EVC2: variants seen among roughly 807,000 people sequenced by gnomAD.
EVC2 encodes the protein limbin.
A neutral mutation model predicts 149.3 loss-of-function variants in EVC2; 148 were observed. That is an observed-to-expected ratio of 0.99 (90% CI 0.87 to 1.14). The LOEUF (loss-of-function observed/expected upper bound fraction) is 1.14, where lower values mean the gene tolerates loss of function less well. Ranked by LOEUF, EVC2 falls within the 50% of genes most tolerant of loss-of-function variation. EVC2 has a pLI of 0.00. For missense variants in EVC2, 1,854 were observed against 1,627.3 expected (o/e 1.14, Z -2.40); for synonymous variants, 776 against 649.9 (o/e 1.19, Z -2.95).
chr4:5,564,156 C>T (rs1043539600), intron 21 of EVC2, among the ~76,000 whole-genome samples: 14 of 152,320 alleles, frequency 9.2e-5, no homozygotes, highest in African/African-American at 3.4e-4. Context: ...GCCATCACCA[C>T]TAATTACTGC....
chr4:5,597,055 G>C (rs1213207019), intron 16 of EVC2, among the ~76,000 whole-genome samples: 3 of 152,194 alleles, frequency 2.0e-5, no homozygotes, highest in African/African-American at 7.2e-5. Context: ...AACAGGCTCT[G>C]AAACTGTGGC....
At position 5,569,822 on chromosome 4, in the gene EVC2, C is replaced by G. The variant is rs185137198; in HGVS notation, c.3361-1182G>C. ...TTGGTAAGTGCTTTCAGTGAAGGCA[C>G]GAGGAAAGGTGCTGTTCCAAATACC... is the stretch of plus-strand genomic sequence containing the variant. On this transcript the variant is annotated intron_variant, in intron 19 of 21. Transcript: ENST00000344408. The surrounding 1 kb of genome is among the most constrained non-coding windows in gnomAD (Gnocchi z 4.8). 9.1e-4 allele frequency among the ~76,000 whole-genome samples: 138 copies of G among 152,120 alleles called. No individual in the cohort carries two copies. The highest frequency in any genetic ancestry group is 3.1e-3 in the African/African-American group (128 of 41,504).
intron 16 of EVC2, among the ~76,000 whole-genome samples, chr4:5,589,218 T>C (rs543907114): frequency 2.6e-5 from 4 of 152,360 alleles, no homozygotes; most frequent in South Asian, 2.1e-4. Context: ...TATGTGGGAC[T>C]AGCATAGGGC....
chr4:5,609,094 T>G lies in EVC2; in HGVS notation c.2829+6328A>C, dbSNP rs554229996. Among the ~76,000 whole-genome samples the G allele has an allele frequency of 3.9e-5, 6 of 152,162 alleles. No individual in the cohort carries two copies. The East Asian group carries it at 9.7e-4, about 25-fold the overall frequency. On this transcript the variant is annotated intron_variant, in intron 16 of 21. Coordinates refer to ENST00000344408, the MANE Select transcript of EVC2 (RefSeq NM_147127.5). ...CTTGAGACTGAATTATACCACCAGGTTTGCGGGTTCTGTAGCCTCCAGATG... is the reference window on the plus strand; with the variant it reads ...CTTGAGACTGAATTATACCACCAGGGTTGCGGGTTCTGTAGCCTCCAGATG...
Position 5,568,576 on chromosome 4 carries a change from A to G in EVC2, c.3425T>C (p.Leu1142Pro), listed in dbSNP as rs977811297. Residue 1142 changes from leucine (L) to proline (P), a missense_variant, in exon 20 of 22, where the codon CTC becomes CCC. Coordinates refer to ENST00000344408, the MANE Select transcript of EVC2 (RefSeq NM_147127.5). ...GGCTGTGGGCAGTACCACACTCAGG[A>G]GCCGGCGAAGCGTGGCCCCGGGCAC... ...AMVPGATLRR[L>P]LSVVLPTASQ... 4 of 1,607,246 alleles carry G rather than the reference A, an allele frequency of 2.5e-6. No homozygotes were observed. The highest frequency in any genetic ancestry group is 3.4e-6 in the Non-Finnish European group (4 of 1,179,486).
intron 10 of EVC2, among the ~76,000 whole-genome samples, chr4:5,638,937 A>AT (rs900321333): frequency 5.3e-5 from 8 of 151,974 alleles, no homozygotes; most frequent in African/African-American, 9.7e-5. Flanking sequence ...ACAGAAAAAA[A>AT]TTCTGTTGTT....
intron 6 of EVC2, among the ~76,000 whole-genome samples, chr4:5,682,552 T>C (rs1368006625): frequency 4.0e-5 from 6 of 149,944 alleles, no homozygotes; most frequent in Non-Finnish European, 8.9e-5. Flanking sequence ...GTAGTAGCAG[T>C]AGTATCATTA....
rs546917681 is a variant in EVC2, at chr4:5,660,626, CT to C, written c.1145+2480del. On this transcript the variant is annotated intron_variant, in intron 9 of 21. Coordinates refer to ENST00000344408, the MANE Select transcript of EVC2 (RefSeq NM_147127.5). ...GAAGGGCTACTCGCCCTGACCACTT[CT>C]CTTTATGGTCTGCTAATCTGACCAG... 2.2e-3 allele frequency among the ~76,000 whole-genome samples: 329 copies of C among 152,326 alleles called. 3 individuals are homozygous for C. The highest frequency in any genetic ancestry group is 7.6e-3 in the African/African-American group (316 of 41,568).
intron 16 of EVC2, among the ~76,000 whole-genome samples, chr4:5,610,414 G>A (rs1714722216): frequency 6.6e-6 from 1 of 152,154 alleles, no homozygotes; most frequent in Non-Finnish European, 1.5e-5. Flanking sequence ...CAGTGCATAA[G>A]ACAAAAACGA....
At chr4:5,709,386 C>T (rs1000412213), upstream of EVC2, 1 of 152,260 alleles carries the variant, frequency 6.6e-6, no homozygotes, top group African/African-American at 2.4e-5. Flanking sequence ...CCACTCCCGC[C>T]AGCCTTCCTG....
rs531551513 is a variant in EVC2 at position 5,580,139 on chromosome 4, T to A, written c.3058-3685A>T. ...CAAAGCATTCTATTTCATGCTTTTT[T>A]AATTCTCCTGAATGTTTAACAGCCT... On this transcript the variant is annotated intron_variant, in intron 17 of 21. Coordinates refer to ENST00000344408, the MANE Select transcript of EVC2 (RefSeq NM_147127.5). Among the ~76,000 whole-genome samples the A allele has an allele frequency of 3.9e-5, 6 of 152,356 alleles. No homozygotes were observed. The South Asian group carries it at 1.2e-3, about 32-fold the overall frequency.
At chr4:5,572,715 A>AT (rs1722707250) in intron 19 of EVC2, among the ~76,000 whole-genome samples, 2 of 152,226 alleles carry the variant, frequency 1.3e-5, no homozygotes, top group Admixed American at 1.3e-4. Context: ...TCACAATTTA[A>AT]AAGGGCCCAG....
At chr4:5,693,154 G>A (rs1171384519) in intron 3 of EVC2, among the ~76,000 whole-genome samples, 4 of 152,180 alleles carry the variant, frequency 2.6e-5, no homozygotes, top group African/African-American at 7.2e-5. Context: ...CAGAAGGGAC[G>A]ACTGAGTATG....
Position 5,696,714 on chromosome 4 carries a change from G to A in EVC2, c.283+879C>T, listed in dbSNP as rs1340520579. ...GGAGCATTGAGAACCTTGTGCTCCT[G>A]GGTCCAGCAGTGCCAGGGCCTGTGC... On this transcript the variant is annotated intron_variant, in intron 2 of 21. Coordinates refer to ENST00000344408, the MANE Select transcript of EVC2 (RefSeq NM_147127.5). This position sits in a 1 kb window ranked among gnomAD's most constrained non-coding sequence, Gnocchi z 4.1. Among the ~76,000 whole-genome samples the A allele has an allele frequency of 6.6e-6, 1 of 152,212 alleles. No homozygotes were observed. The highest frequency in any genetic ancestry group is 1.5e-5 in the Non-Finnish European group (1 of 68,050).
rs1577267002 is a variant in EVC2 at position 5,696,171 on chromosome 4, C to G, written c.283+1422G>C. Among the ~76,000 whole-genome samples the G allele has an allele frequency of 6.6e-6, 1 of 152,186 alleles. No homozygotes were observed. The highest frequency in any genetic ancestry group is 1.9e-4 in the East Asian group (1 of 5,176). On this transcript the variant is annotated intron_variant, in intron 2 of 21. Coordinates refer to ENST00000344408, the MANE Select transcript of EVC2 (RefSeq NM_147127.5). This position sits in a 1 kb window ranked among gnomAD's most constrained non-coding sequence, Gnocchi z 4.1. ...CAGCACAGCACCCTGGGCCAGGGCA[C>G]AAATGCTTGTGCAGCAAGCAACCAG...
At chr4:5,606,729 A>C (rs1714422012) in intron 16 of EVC2, among the ~76,000 whole-genome samples, 1 of 152,216 alleles carries the variant, frequency 6.6e-6, no homozygotes, top group Admixed American at 6.5e-5. Context: ...ACATTGAAAC[A>C]GCAATTAGAA....
rs547479613 is a variant in EVC2 at position 5,695,524 on chromosome 4, CTG to C, written c.284-1025_284-1024del. 2.6e-3 allele frequency among the ~76,000 whole-genome samples: 397 copies of C among 152,272 alleles called. No individual in the cohort carries two copies. The Middle Eastern group carries it at 0.031, about 12-fold the overall frequency. On this transcript the variant is annotated intron_variant, in intron 2 of 21. Transcript: ENST00000344408. The stretch of plus-strand genomic sequence containing the variant: ...TGGATGCGGCCCAGGTGCTGATCAA[CTG>C]TGGGACCTTGCACAGGTCAGCTGAG...
At chr4:5,592,375 C>A (rs1397463604) in intron 16 of EVC2, among the ~76,000 whole-genome samples, 3 of 152,150 alleles carry the variant, frequency 2.0e-5, no homozygotes, top group African/African-American at 7.2e-5. Flanking sequence ...CTAGCGGTGC[C>A]ACTAGCAACA....
intron 9 of EVC2, among the ~76,000 whole-genome samples, chr4:5,656,142 GA>G (rs1409129206): frequency 6.6e-6 from 1 of 152,172 alleles, no homozygotes; most frequent in Non-Finnish European, 1.5e-5. Context: ...AAACAGCCAG[GA>G]AGCACCAGAG....
Sources: gnomAD v4.1 joint callset for allele counts (sites outside exome capture counted in the v4.1 genomes callset) on GRCh38, gnomAD v4.1.1 for gene constraint, Gnocchi (gnomAD v3.1) non-coding constraint, MANE v1.5 for transcripts, NCBI Gene and HGNC (gene_info 2026-07-23, HGNC 2026-07-21) for gene names.